Variants in TNKS observed in about 807,000 individuals in gnomAD.
The protein encoded by TNKS is tankyrase, also known as poly [ADP-ribose] polymerase tankyrase-1.
In TNKS, 72 loss-of-function variants were observed where a neutral mutation model predicts 135.8. The observed-to-expected ratio is 0.53, with a 90% CI of 0.44 to 0.64. The LOEUF is 0.64. TNKS is among the 30% of genes least tolerant of loss of function. TNKS has a pLI of 0.00. For missense variants in TNKS, 1,769 were observed against 1,674.0 expected, an observed-to-expected ratio of 1.06 and a Z score of -0.99; for synonymous variants, 849 against 649.3, an observed-to-expected ratio of 1.31 and a Z score of -4.68.
chr8:9,673,977 C>A (rs913705075), intron 3 of TNKS, among the ~76,000 whole-genome samples: 6 of 151,994 alleles, frequency 3.9e-5, no homozygotes, highest in African/African-American at 1.5e-4. Context: ...TAAAACATTA[C>A]CAAAAGTTTA....
intron 2 of TNKS, among the ~76,000 whole-genome samples, chr8:9,614,180 C>A (rs1009308056): frequency 2.0e-5 from 3 of 152,182 alleles, no homozygotes; most frequent in African/African-American, 7.2e-5. Context: ...GTTACAATAG[C>A]TGTACCCATT....
intron 5 of TNKS, among the ~76,000 whole-genome samples, chr8:9,701,688 C>T (rs953947734): frequency 6.6e-6 from 1 of 152,194 alleles, no homozygotes; most frequent in Non-Finnish European, 1.5e-5. Flanking sequence ...GTAACAACTC[C>T]AACTTACCGC....
intron 5 of TNKS, among the ~76,000 whole-genome samples, chr8:9,682,072 T>G (rs934524349): frequency 6.6e-6 from 1 of 152,050 alleles, no homozygotes; most frequent in African/African-American, 2.4e-5. Context: ...TTTCCTTCAG[T>G]TTTGAAGTTG....
chr8:9,628,898 C>A (rs535496845), intron 3 of TNKS, among the ~76,000 whole-genome samples: 1 of 152,158 alleles, frequency 6.6e-6, no homozygotes, highest in African/African-American at 2.4e-5. Context: ...CTTTCCCTCT[C>A]GGGAAATATT....
intron 15 of TNKS, 116 bp from the exon 16 acceptor site, chr8:9,734,749 T>C: frequency 3.5e-6 from 3 of 861,824 alleles, no homozygotes; most frequent in Admixed American, 5.7e-5. Context: ...TCAAAATGCA[T>C]ATAGAGTAGA....
intron 1 of TNKS, among the ~76,000 whole-genome samples, chr8:9,577,114 A>T (rs954558591): frequency 9.4e-5 from 13 of 138,534 alleles, no homozygotes; most frequent in South Asian, 4.7e-4. Context: ...ATAACAATTC[A>T]TTTTTTTTTT....
chr8:9,761,694 G>C (rs1157087651), intron 21 of TNKS, 58 bp downstream of exon 21: 4 of 1,548,968 alleles, frequency 2.6e-6, no homozygotes, highest in Non-Finnish European at 3.5e-6. Context: ...GGTAAGTATT[G>C]GGGCTGATAA....
chr8:9,556,046 G>A lies in TNKS; in HGVS notation c.107G>A (p.Ser36Asn), dbSNP rs751973152. The A allele has an allele frequency of 6.2e-7, 1 of 1,610,640 alleles. No individual in the cohort carries two copies. Among genetic ancestry groups the A allele is most frequent in the Non-Finnish European group, 8.5e-7 (1 of 1,179,110 alleles). The change falls in exon 1 of 27, where the codon AGC becomes AAC. Residue 36 changes from serine (S) to asparagine (N), a missense_variant. Ser to Asn is a conservative substitution (Grantham distance 46). This residue lies in a region of TNKS where 450 missense variants were observed against 304.9 expected (regional missense o/e 1.48). Coordinates refer to ENST00000310430, the MANE Select transcript of TNKS (RefSeq NM_003747.3). Reference protein sequence around the residue: ...APPPPPPPPLSPGLAPGTTPA... With the variant: ...APPPPPPPPLNPGLAPGTTPA... Reference sequence around the variant, plus strand: ...CCGCCGCCACCTCCTCCCCCACTCAGCCCTGGCCTGGCCCCGGGGACCACC... The same window carrying A: ...CCGCCGCCACCTCCTCCCCCACTCAACCCTGGCCTGGCCCCGGGGACCACC...
chr8:9,678,077 TTGTC>T (rs960087858), intron 3 of TNKS, among the ~76,000 whole-genome samples: 1 of 152,234 alleles, frequency 6.6e-6, no homozygotes, highest in African/African-American at 2.4e-5. Flanking sequence ...ATTTATTTAT[TTGTC>T]TGTCTCCTTT....
At chr8:9,734,444 A>ACTG (rs1327140124) in intron 15 of TNKS, among the ~76,000 whole-genome samples, 1 of 147,390 alleles carries the variant, frequency 6.8e-6, no homozygotes, top group Non-Finnish European at 1.5e-5. Flanking sequence ...CTTTAGAATT[A>ACTG]AGTCCTTTTT....
At chr8:9,744,256 C>T (rs547022133) in intron 17 of TNKS, among the ~76,000 whole-genome samples, 3 of 152,242 alleles carry the variant, frequency 2.0e-5, no homozygotes, top group African/African-American at 2.4e-5. Flanking sequence ...GTTAACTTTT[C>T]TGCTAAGTCA....
intron 3 of TNKS, among the ~76,000 whole-genome samples, chr8:9,634,992 C>A (rs549974381): frequency 3.0e-4 from 46 of 150,900 alleles, no homozygotes; most frequent in Middle Eastern, 3.4e-3. Context: ...GGTGAAACCC[C>A]GTCTCTACTA....
chr8:9,593,585 T>G (rs1242305751), intron 2 of TNKS, among the ~76,000 whole-genome samples: 1 of 152,186 alleles, frequency 6.6e-6, no homozygotes, highest in Non-Finnish European at 1.5e-5. Context: ...AAAACTAACC[T>G]GTCTACAAAA....
intron 13 of TNKS, among the ~76,000 whole-genome samples, chr8:9,729,771 C>CTT (rs763357075): frequency 0.62 from 58,977 of 95,156 alleles, 19,711 homozygotes; most frequent in Admixed American, 0.69. Flanking sequence ...ATATGATATT[C>CTT]TTTTTTTTTT....
At chr8:9,754,476 TCAA>T (rs1806731245) in intron 20 of TNKS, among the ~76,000 whole-genome samples, 1 of 152,204 alleles carries the variant, frequency 6.6e-6, no homozygotes, top group Admixed American at 6.5e-5. Context: ...CTTATTTATA[TCAA>T]TTATACTGTT....
chr8:9,669,959 C>T (rs1424295949), intron 3 of TNKS, among the ~76,000 whole-genome samples: 2 of 152,124 alleles, frequency 1.3e-5, no homozygotes, highest in East Asian at 1.9e-4. Context: ...TGCTTTTTCT[C>T]CTAAGCGTAA....
At chr8:9,776,544 T>G in intron 26 of TNKS, 106 bp from the exon 27 acceptor site, 1 of 970,298 alleles carries the variant, frequency 1.0e-6, no homozygotes, top group East Asian at 2.4e-5. Flanking sequence ...TGAGTCTATA[T>G]AGAATATTGG....
chr8:9,679,974 C>T lies in TNKS; in HGVS notation c.1018C>T (p.Leu340=). 6.2e-7 allele frequency: 1 copy of T among 1,612,634 alleles called. No homozygotes were observed. The highest frequency in any genetic ancestry group is 8.5e-7 in the Non-Finnish European group (1 of 1,178,732). The change falls in exon 4 of 27, where the codon CTA becomes TTA. Residue 340 remains leucine, a synonymous_variant. Coordinates refer to ENST00000310430, the MANE Select transcript of TNKS (RefSeq NM_003747.3). The stretch of plus-strand genomic sequence containing the variant: ...AGGTGAATACAAGAAAGACGAACTC[C>T]TAGAAGCTGCTAGGTAAGTGATTCC... The part of the protein sequence containing the change: ...LTGEYKKDEL[L]EAARSGNEEK...
rs748924033 is a variant in TNKS at position 9,735,417 on chromosome 8, G to C, written c.2574G>C (p.Glu858Asp). The C allele has an allele frequency of 3.1e-6, 5 of 1,614,038 alleles. No individual in the cohort carries two copies. The highest frequency in any genetic ancestry group is 3.4e-6 in the Non-Finnish European group (4 of 1,179,998). The change falls in exon 17 of 27, where the codon GAG (glutamate) becomes GAC (aspartate). Residue 858 changes from glutamate to aspartate, a missense_variant. Around this residue, in one of 5 missense-constraint regions of TNKS, gnomAD observed 722 missense variants for 688.9 expected, o/e 1.05. Transcript: ENST00000310430. Reference protein sequence around the residue: ...NNLEVAEYLLEHGADVNAQDK... With the variant: ...NNLEVAEYLLDHGADVNAQDK... ...TGGAAGTAGCTGAATATCTTCTAGA[G>C]CATGGAGCTGATGTTAATGCCCAGG...
Sources: allele counts gnomAD v4.1 joint callset (sites outside exome capture counted in the v4.1 genomes callset), GRCh38; gene constraint gnomAD v4.1.1; regional missense constraint gnomAD v4.1.1; transcripts MANE v1.5; gene names NCBI Gene and HGNC (gene_info 2026-07-23, HGNC 2026-07-21).